TMEM64: variants seen among roughly 807,000 people sequenced by gnomAD.
TMEM64 encodes transmembrane protein 64.
TMEM64 carries 19 observed loss-of-function variants against 24.5 expected under a neutral mutation model. That is an observed-to-expected ratio of 0.78 (90% CI 0.54 to 1.14). TMEM64 has a LOEUF of 1.14. TMEM64 is among the 50% of genes most tolerant of loss of function. TMEM64 has a pLI of 0.00. For missense variants in TMEM64, 487 were observed against 493.0 expected, an observed-to-expected ratio of 0.99 and a Z score of 0.12; for synonymous variants, 262 against 224.7, an observed-to-expected ratio of 1.17 and a Z score of -1.49.
chr8:90,645,805 G>A lies in TMEM64; in HGVS notation c.101C>T (p.Pro34Leu). The A allele has an allele frequency of 9.7e-7, 1 of 1,031,300 alleles. No homozygotes were observed. The allele number at this position is 1,031,300 out of a possible 1,614,324, so 63.9% of individuals were successfully genotyped here. Residue 34 changes from proline (P) to leucine (L), a missense_variant, in exon 1 of 3, where the codon CCG becomes CTG. Transcript: ENST00000458549. This position sits in a 1 kb window ranked among gnomAD's most constrained non-coding sequence, Gnocchi z 4.2. ...LAELPARWAL[P>L]RGAGGDGPAD... is the part of the protein sequence containing the mutation. ...CGGGCCGTCCCCGCCCGCACCCCGC[G>A]GCAGGGCCCAGCGGGCCGGCAGCTC...
chr8:90,624,535 A>C lies in TMEM64; in HGVS notation c.*1136T>G, dbSNP rs1809326318. On this transcript the variant is annotated 3_prime_UTR_variant, in exon 3 of 3. Transcript: ENST00000458549. ...TTTGATTCATGCTACAAGAGAAAGA[A>C]TTGAGACAATTTCACATTTCAGAAT... The C allele has an allele frequency of 6.6e-6, 1 of 152,514 alleles. No individual in the cohort carries two copies. The highest frequency in any genetic ancestry group is 1.5e-5 in the Non-Finnish European group (1 of 67,926). 9.4% of individuals were successfully genotyped at this position (152,514 alleles called of 1,614,324 possible).
chr8:90,625,888 G>T (rs1809352163), intron 2 of TMEM64, 26 bp from the exon 3 acceptor site: 1 of 1,475,876 alleles, frequency 6.8e-7, no homozygotes, highest in South Asian at 1.3e-5. Flanking sequence ...AAACATTACA[G>T]TTATCAATAT....
chr8:90,646,045 G>A lies in TMEM64; in HGVS notation c.-140C>T, dbSNP rs1809698060. The A allele has an allele frequency of 3.2e-6, 1 of 310,904 alleles. No homozygotes were observed. The highest frequency in any genetic ancestry group is 5.0e-6 in the Non-Finnish European group (1 of 201,158). 19.3% of individuals were successfully genotyped at this position (310,904 alleles called of 1,614,324 possible). On this transcript the variant is annotated 5_prime_UTR_variant, in exon 1 of 3. Coordinates refer to ENST00000458549, the MANE Select transcript of TMEM64 (RefSeq NM_001008495.4). ...AGGGTGGGAGACGGCCCGTAGAAGGGCGCGGAGTCAGCGGAGGAGCGACGG... is the reference window on the plus strand; with the variant it reads ...AGGGTGGGAGACGGCCCGTAGAAGGACGCGGAGTCAGCGGAGGAGCGACGG...
In TMEM64 at chr8:90,631,487, A is replaced by T. The variant is rs1809437996; in HGVS notation, c.951+65T>A. 4 of 1,314,296 alleles carry T rather than the reference A, an allele frequency of 3.0e-6. No individual in the cohort carries two copies. The East Asian group carries it at 9.4e-5, about 31-fold the overall frequency. The allele number at this position is 1,314,296 out of a possible 1,614,324, so 81.4% of individuals were successfully genotyped here. The stretch of plus-strand genomic sequence containing the variant: ...GATTATTTTCAATGAAATCTGTCAA[A>T]TCAGCAATGCCATACAAAAAGAAAC... On this transcript the variant is annotated intron_variant, in intron 2 of 2. Transcript: ENST00000458549.
intron 2 of TMEM64, 103 bp downstream of exon 2, chr8:90,631,449 G>A: frequency 9.5e-7 from 1 of 1,054,130 alleles, no homozygotes; most frequent in Non-Finnish European, 1.3e-6. Flanking sequence ...AATCTAAAAT[G>A]GAAAAACCCT....
chr8:90,625,135 T>C lies in TMEM64; in HGVS notation c.*536A>G, dbSNP rs987462584. On this transcript the variant is annotated 3_prime_UTR_variant, in exon 3 of 3. Coordinates refer to ENST00000458549, the MANE Select transcript of TMEM64 (RefSeq NM_001008495.4). ...CTGCAAAAATACATTCAACTGAAAA[T>C]TAATGTCTGTTCTTTAACTAGTAAG... 6.6e-6 allele frequency: 1 copy of C among 152,508 alleles called. No homozygotes were observed. Among genetic ancestry groups the C allele is most frequent in the Admixed American group, 6.6e-5 (1 of 15,266 alleles). 9.4% of individuals were successfully genotyped at this position (152,508 alleles called of 1,614,324 possible).
Position 90,645,107 on chromosome 8 carries a change from T to C in TMEM64, c.795+4A>G. The stretch of plus-strand genomic sequence containing the variant: ...GAGGGATAGGCCAGCGGGACCCCAC[T>C]TACCGAAAACACTGCATTCTGAAGC... On this transcript the variant is annotated splice_donor_region_variant and intron_variant, in intron 1 of 2. Coordinates refer to ENST00000458549, the MANE Select transcript of TMEM64 (RefSeq NM_001008495.4). The surrounding 1 kb of genome is among the most constrained non-coding windows in gnomAD (Gnocchi z 4.2). 6.3e-7 allele frequency: 1 copy of C among 1,598,650 alleles called. No homozygotes were observed.
In TMEM64 at chr8:90,624,652, T is replaced by C. The variant is rs1224544341; in HGVS notation, c.*1019A>G. 1 of 152,448 alleles carries C rather than the reference T, an allele frequency of 6.6e-6. No homozygotes were observed. The highest frequency in any genetic ancestry group is 1.5e-5 in the Non-Finnish European group (1 of 67,910). The allele number at this position is 152,448 out of a possible 1,614,324, so 9.4% of individuals were successfully genotyped here. A position where few individuals can be genotyped will look rare whatever the true frequency, so the allele number is the denominator to read the frequency against. ...GCAAATAACAAAATTTGGGCATATT[T>C]ATAGTTTTAAAGCTGAAGACTATGG... On this transcript the variant is annotated 3_prime_UTR_variant, in exon 3 of 3. Coordinates refer to ENST00000458549, the MANE Select transcript of TMEM64 (RefSeq NM_001008495.4).
chr8:90,627,600 G>A (rs1809378171), intron 2 of TMEM64, among the ~76,000 whole-genome samples: 1 of 152,082 alleles, frequency 6.6e-6, no homozygotes, highest in African/African-American at 2.4e-5. Context: ...AAAGAGGGCT[G>A]AGCTAAAGAC....
Position 90,631,694 on chromosome 8 carries a change from G to C in TMEM64, c.809C>G (p.Ser270Ter). ...AGATGCCATCAGATAGTTGGGTAAT[G>C]AGAGATCAGTAATCTAGAAGAGTAG... ...QNAVFSITDL[S>*]LPNYLMASSV... The change falls in exon 2 of 3, where the codon TCA becomes TGA. Residue 270 changes from serine (S) to a stop codon, truncating the protein, a stop_gained. Transcript: ENST00000458549. LOFTEE classifies it high-confidence loss of function. The C allele has an allele frequency of 6.2e-7, 1 of 1,612,828 alleles. No homozygotes were observed. The highest frequency in any genetic ancestry group is 8.5e-7 in the Non-Finnish European group (1 of 1,179,026).
intron 2 of TMEM64, among the ~76,000 whole-genome samples, chr8:90,628,356 G>A (rs1809391664): frequency 6.6e-6 from 1 of 152,162 alleles, no homozygotes; most frequent in Non-Finnish European, 1.5e-5. Context: ...TTTCTGTTAA[G>A]CAAGAGAGGT....
intron 1 of TMEM64, among the ~76,000 whole-genome samples, chr8:90,641,350 A>G (rs1280944259): frequency 6.7e-6 from 1 of 149,864 alleles, no homozygotes; most frequent in Non-Finnish European, 1.5e-5. Flanking sequence ...TCTCATGTAT[A>G]TGAAATATTC....
At chr8:90,631,819 C>A in intron 1 of TMEM64, 112 bp from the exon 2 acceptor site, 1 of 804,020 alleles carries the variant, frequency 1.2e-6, no homozygotes, top group Non-Finnish European at 1.9e-6. Flanking sequence ...AAGGAGCTGA[C>A]ATCTTTACAA....
At chr8:90,627,067 C>T (rs1236653575) in intron 2 of TMEM64, among the ~76,000 whole-genome samples, 1 of 151,950 alleles carries the variant, frequency 6.6e-6, no homozygotes, top group African/African-American at 2.4e-5. Context: ...AATGTCCCAG[C>T]AAGTTTACAA....
rs1809339459 is a variant in TMEM64 at position 90,625,273 on chromosome 8, A to C, written c.*398T>G. The C allele has an allele frequency of 6.5e-6, 1 of 154,530 alleles. No individual in the cohort carries two copies. The highest frequency in any genetic ancestry group is 2.4e-5 in the African/African-American group (1 of 41,538). The allele number at this position is 154,530 out of a possible 1,614,324, so 9.6% of individuals were successfully genotyped here. ...GCAAAGAACATCCAATAATATTATA[A>C]ATTTAAAACTGCATACTTTTACTCA... is the stretch of plus-strand genomic sequence containing the variant. On this transcript the variant is annotated 3_prime_UTR_variant, in exon 3 of 3. Transcript: ENST00000458549.
chr8:90,640,122 G>C (rs892592308), intron 1 of TMEM64, among the ~76,000 whole-genome samples: 6 of 152,174 alleles, frequency 3.9e-5, no homozygotes, highest in Admixed American at 1.3e-4. Context: ...CATCCTATCT[G>C]ACCCTTAAGG....
At chr8:90,639,782 A>G (rs566683776) in intron 1 of TMEM64, among the ~76,000 whole-genome samples, 13 of 152,220 alleles carry the variant, frequency 8.5e-5, no homozygotes, top group Non-Finnish European at 1.8e-4. Context: ...TGTACTTGCT[A>G]TACTTTTCAA....
chr8:90,636,157 A>G (rs1490630999), intron 1 of TMEM64, among the ~76,000 whole-genome samples: 2 of 152,262 alleles, frequency 1.3e-5, no homozygotes, highest in Non-Finnish European at 2.9e-5. Context: ...TCAATGCTTT[A>G]ACCAATGGAG....
intron 1 of TMEM64, among the ~76,000 whole-genome samples, chr8:90,635,528 G>A (rs141412688): frequency 7.9e-5 from 12 of 152,114 alleles, no homozygotes; most frequent in African/African-American, 2.7e-4. Flanking sequence ...CACAAATCCC[G>A]TAAAATAAAG....
Sources: gnomAD v4.1 joint callset for allele counts (sites outside exome capture counted in the v4.1 genomes callset) on GRCh38, gnomAD v4.1.1 for gene constraint, Gnocchi (gnomAD v3.1) non-coding constraint, MANE v1.5 for transcripts, NCBI Gene and HGNC (gene_info 2026-07-23, HGNC 2026-07-21) for gene names.